The following HAL variants were observed in gnomAD, a reference collection of about 807,000 sequenced individuals.
HAL encodes histidine ammonia-lyase.
Under a neutral mutation model 81.1 loss-of-function variants are expected in HAL, and 85 were observed. The ratio of observed to expected loss-of-function variants is 1.05; its 90% CI spans 0.88 to 1.25. The LOEUF is 1.25. Among genes scored for constraint, HAL ranks in the 50% most tolerant of loss-of-function variants. The pLI is 0.00. For synonymous variants in HAL, 301 were observed against 309.2 expected (o/e 0.97, Z 0.28); for missense variants, 798 against 836.6 (o/e 0.95, Z 0.57).
chr12:95,995,869 T>G lies in HAL; in HGVS notation c.42A>C (p.Ala14=), dbSNP rs1383235031. 1 of 1,608,006 alleles carries G rather than the reference T, an allele frequency of 6.2e-7. No homozygotes were observed. Among genetic ancestry groups the G allele is most frequent in the South Asian group, 1.1e-5 (1 of 91,078 alleles). ...TGAGCTGCGCGTCCTGGCAGGGCACTGCCAGCCATTCCCCACGTACGTGCA... is the reference window on the plus strand; with the variant it reads ...TGAGCTGCGCGTCCTGGCAGGGCACGGCCAGCCATTCCCCACGTACGTGCA... ...YTVHVRGEWL[A]VPCQDAQLTV... Residue 14 remains alanine (A), a synonymous_variant, in exon 2 of 21, where the codon GCA becomes GCC. Transcript: ENST00000261208.
chr12:95,995,221 C>T, intron 2 of HAL: 1 of 605,720 alleles, frequency 1.7e-6, no homozygotes, highest in Non-Finnish European at 2.9e-6. Context: ...AAGTTCAAGA[C>T]AGAATTCCAC....
At chr12:95,992,624 C>T in intron 9 of HAL, 56 bp downstream of exon 9, 1 of 1,489,596 alleles carries the variant, frequency 6.7e-7, no homozygotes, top group East Asian at 2.3e-5. Flanking sequence ...TCAATTCTAC[C>T]CTGTGGTACA....
At chr12:95,984,980 A>C (rs7136852) in intron 14 of HAL, among the ~76,000 whole-genome samples, 3,433 of 152,326 alleles carry the variant, frequency 0.023, 119 homozygotes, top group African/African-American at 0.077. Flanking sequence ...TATTGAGATG[A>C]CTGGCTCTCT....
Position 95,985,893 on chromosome 12 carries a change from T to C in HAL, c.1206+15A>G. On this transcript the variant is annotated intron_variant, in intron 14 of 20. Coordinates refer to ENST00000261208, the MANE Select transcript of HAL (RefSeq NM_002108.4). ...TGGCATTTTTTATTGACCTTTTTTT[T>C]TTTCTTTATTTTACCTGTGGACAGC... The C allele has an allele frequency of 6.3e-7, 1 of 1,582,430 alleles. No homozygotes were observed. Among genetic ancestry groups the C allele is most frequent in the Non-Finnish European group, 8.7e-7 (1 of 1,153,908 alleles).
Position 95,973,084 on chromosome 12 carries a change from T to C in HAL, c.*1148A>G, listed in dbSNP as rs1239498742. The C allele has an allele frequency of 2.0e-5, 3 of 152,214 alleles. No homozygotes were observed. Among genetic ancestry groups the C allele is most frequent in the East Asian group, 1.9e-4 (1 of 5,196 alleles). The allele number at this position is 152,214 out of a possible 1,614,324, so 9.4% of individuals were successfully genotyped here. ...AATCCACTGTTCGGCCCATTTTAGA[T>C]GGCAATTAGGTAGGCAAGGTGGCAA... is the stretch of plus-strand genomic sequence containing the variant. On this transcript the variant is annotated 3_prime_UTR_variant, in exon 21 of 21. Coordinates refer to ENST00000261208, the MANE Select transcript of HAL (RefSeq NM_002108.4).
chr12:95,987,134 C>A lies in HAL; in HGVS notation c.984G>T (p.Arg328=). The A allele has an allele frequency of 6.2e-7, 1 of 1,612,986 alleles. No individual in the cohort carries two copies. The highest frequency in any genetic ancestry group is 8.5e-7 in the Non-Finnish European group (1 of 1,178,936). Reference sequence around the variant, plus strand: ...TCAGGGCTGCCACAATGTCAGCCTGCCGTGCAATAGCACTGGCTCGCTCTA... The same window carrying A: ...TCAGGGCTGCCACAATGTCAGCCTGACGTGCAATAGCACTGGCTCGCTCTA... ...EAVERASAIA[R]QADIVAALTL... is the part of the protein sequence containing the mutation. The change falls in exon 12 of 21, where the codon CGG becomes CGT. Residue 328 remains arginine, a synonymous_variant. Transcript: ENST00000261208.
In HAL at chr12:95,994,992, A is replaced by C. The variant is rs753610134; in HGVS notation, c.249T>G (p.Val83=). ...ALENNEFVEV[V]IEGDAMSPDF... ...CAGGAGACATGGCATCACCCTCTAT[A>C]ACTAAAACAATGCACGGGAGACTCG... The change falls in exon 3 of 21, where the codon GTT becomes GTG. Residue 83 remains valine (V), a splice_region_variant and synonymous_variant. Coordinates refer to ENST00000261208, the MANE Select transcript of HAL (RefSeq NM_002108.4). 6.2e-7 allele frequency: 1 copy of C among 1,607,244 alleles called. No individual in the cohort carries two copies.
chr12:95,995,017 G>C (rs1361019213), intron 2 of HAL, 24 bp from the exon 3 acceptor site: 1 of 1,553,742 alleles, frequency 6.4e-7, no homozygotes, highest in East Asian at 2.2e-5. Context: ...CGGGAGACTC[G>C]TTACAGATCA....
At position 95,976,497 on chromosome 12, in the gene HAL, G is replaced by C; in HGVS notation, c.1765C>G (p.Pro589Ala). 6.2e-7 allele frequency: 1 copy of C among 1,613,912 alleles called. No homozygotes were observed. Among genetic ancestry groups the C allele is most frequent in the South Asian group, 1.1e-5 (1 of 91,080 alleles). ...GCCATGAAGCGATCTTTTATCCAGG[G>C]CCTACAGGGAGAGCACATCCGCCCA... is the stretch of plus-strand genomic sequence containing the variant. ...VYDLVRSVVRPWIKDRFMAPD... is the reference protein window; with the variant it reads ...VYDLVRSVVRAWIKDRFMAPD... Residue 589 changes from proline (P) to alanine (A), a missense_variant and splice_region_variant, in exon 20 of 21, where the codon CCC becomes GCC. Coordinates refer to ENST00000261208, the MANE Select transcript of HAL (RefSeq NM_002108.4).
intron 8 of HAL, 117 bp from the exon 9 acceptor site, chr12:95,992,922 C>T: frequency 1.1e-6 from 1 of 888,680 alleles, no homozygotes; most frequent in Non-Finnish European, 1.8e-6. Flanking sequence ...ATTACCTTCT[C>T]CTCTCGGCTC....
At chr12:95,988,094 G>C in intron 11 of HAL, 99 bp downstream of exon 11, 1 of 760,054 alleles carries the variant, frequency 1.3e-6, no homozygotes, top group Admixed American at 1.9e-5. Flanking sequence ...AAACATGCAA[G>C]TTGCATTTAA....
At chr12:95,986,631 G>T (rs1183670563) in intron 12 of HAL, among the ~76,000 whole-genome samples, 1 of 152,170 alleles carries the variant, frequency 6.6e-6, no homozygotes, top group East Asian at 1.9e-4. Flanking sequence ...TTTAGACAAT[G>T]TTCTGCCCTT....
rs147560139 is a variant in HAL, at chr12:95,981,299, A to G, written c.1288-436T>C. Among the ~76,000 whole-genome samples the G allele has an allele frequency of 1.6e-3, 249 of 152,322 alleles. 3 individuals carry two copies. The highest frequency in any genetic ancestry group is 5.8e-3 in the African/African-American group (242 of 41,564). On this transcript the variant is annotated intron_variant, in intron 15 of 20. Coordinates refer to ENST00000261208, the MANE Select transcript of HAL (RefSeq NM_002108.4). ...TGTTGAATGGGAAACTCTGCTGATG[A>G]GCAACTACCAAAATGTCTGGAACAA...
Position 95,990,428 on chromosome 12 carries a change from A to C in HAL, c.820T>G (p.Trp274Gly). The C allele has an allele frequency of 3.7e-6, 6 of 1,613,176 alleles. No individual in the cohort carries two copies. The highest frequency in any genetic ancestry group is 5.1e-6 in the Non-Finnish European group (6 of 1,179,076). ...ALGLVGEGKMWSPKSGWADAK... is the reference protein window; with the variant it reads ...ALGLVGEGKMGSPKSGWADAK... ...TCAGCCCAGCCACTCTTCGGAGACC[A>C]CATCTTCCCTTCTCCAACTAGCCCA... Residue 274 changes from tryptophan to glycine, a missense_variant, in exon 10 of 21, where the codon TGG becomes GGG. Physicochemically the swap from Trp to Gly is radical, Grantham distance 184. Transcript: ENST00000261208.
chr12:95,974,391 A>G lies in HAL; in HGVS notation c.1834-19T>C, dbSNP rs775500986. ...CCCAAACCTGAAAAGCAAGGACAAA[A>G]CAAAGTTGAAATATTGACGACATTG... On this transcript the variant is annotated intron_variant, in intron 20 of 20. Transcript: ENST00000261208. 1.2e-6 allele frequency: 2 copies of G among 1,611,566 alleles called. No homozygotes were observed. Among genetic ancestry groups the G allele is most frequent in the South Asian group, 1.1e-5 (1 of 91,026 alleles).
chr12:95,993,343 G>A (rs997521024), intron 8 of HAL, 108 bp downstream of exon 8: 1 of 820,502 alleles, frequency 1.2e-6, no homozygotes. Context: ...TTGAAATGCT[G>A]TTTTGAGAAA....
chr12:95,995,738 C>T lies in HAL; in HGVS notation c.173G>A (p.Cys58Tyr), dbSNP rs1469296677. ...VDDAHFLVRR[C>Y]KGLGLLDNED... is the part of the protein sequence containing the mutation. ...GTTGTCCAGCAGGCCCAGGCCCTTG[C>T]ACCGGCGCACAAGGAAGTGCGCGTC... The change falls in exon 2 of 21, where the codon TGC (cysteine) becomes TAC (tyrosine). Residue 58 changes from cysteine to tyrosine, a missense_variant. By Grantham distance (194) the Cys-to-Tyr change is radical. Coordinates refer to ENST00000261208, the MANE Select transcript of HAL (RefSeq NM_002108.4). 8 of 1,613,650 alleles carry T rather than the reference C, an allele frequency of 5.0e-6. No homozygotes were observed. Among genetic ancestry groups the T allele is most frequent in the African/African-American group, 1.3e-5 (1 of 74,948 alleles).
Position 95,995,919 on chromosome 12 carries a change from T to C in HAL, c.-9A>G, listed in dbSNP as rs778651081. On this transcript the variant is annotated 5_prime_UTR_variant, in exon 2 of 21. Transcript: ENST00000261208. ...ACCGTGTATCTGGGCATGGCTCCGC[T>C]GCAGCCTGAGGTCCTCAGCTGGTCA... 2 of 1,602,198 alleles carry C rather than the reference T, an allele frequency of 1.2e-6. No homozygotes were observed. The highest frequency in any genetic ancestry group is 2.2e-5 in the South Asian group (2 of 91,000).
At position 95,980,816 on chromosome 12, in the gene HAL, A is replaced by G. The variant is rs750630489; in HGVS notation, c.1335T>C (p.His445=). ...RGETVSGGNF[H]GEYPAKALDY... ...AGCTTACTTTGGCTGGGTATTCACC[A>G]TGGAAGTTTCCTCCAGAAACTGTCT... The change falls in exon 16 of 21, where the codon CAT becomes CAC. Residue 445 remains histidine (H), a synonymous_variant. Coordinates refer to ENST00000261208, the MANE Select transcript of HAL (RefSeq NM_002108.4). 59 of 1,594,918 alleles carry G rather than the reference A, an allele frequency of 3.7e-5. No homozygotes were observed. Among genetic ancestry groups the G allele is most frequent in the Non-Finnish European group, 4.6e-5 (54 of 1,162,854 alleles).
Sources: gnomAD v4.1 joint callset for allele counts (sites outside exome capture counted in the v4.1 genomes callset) on GRCh38, gnomAD v4.1.1 for gene constraint, MANE v1.5 for transcripts, NCBI Gene and HGNC (gene_info 2026-07-23, HGNC 2026-07-21) for gene names.